The following ZNF280D variants were observed in gnomAD, a reference collection of about 807,000 sequenced individuals.
The protein encoded by ZNF280D is suppressor of hairy wing homolog 4.
Under a neutral mutation model 94.7 loss-of-function variants are expected in ZNF280D, and 39 were observed. That is an observed-to-expected ratio of 0.41 (90% CI 0.32 to 0.54). ZNF280D has a LOEUF of 0.54. ZNF280D is among the 20% of genes least tolerant of loss of function. ZNF280D has a pLI of 0.22. For missense variants in ZNF280D, 1,090 were observed against 1,149.3 expected, an observed-to-expected ratio of 0.95 and a Z score of 0.75; for synonymous variants, 398 against 377.6, an observed-to-expected ratio of 1.05 and a Z score of -0.63.
intron 6 of ZNF280D, among the ~76,000 whole-genome samples, chr15:56,693,631 A>T (rs1347430471): frequency 1.3e-5 from 2 of 152,042 alleles, no homozygotes; most frequent in African/African-American, 4.8e-5. Flanking sequence ...AAAAAATAGA[A>T]CTTAGCAAAA....
chr15:56,699,375 C>T (rs961615462), intron 6 of ZNF280D: 24 of 922,126 alleles, frequency 2.6e-5, no homozygotes, highest in Non-Finnish European at 3.1e-5. Flanking sequence ...TAATAACTAA[C>T]TTTATTATTC....
chr15:56,677,507 C>A, intron 12 of ZNF280D, 67 bp downstream of exon 12: 1 of 1,218,054 alleles, frequency 8.2e-7, no homozygotes, highest in Non-Finnish European at 1.2e-6. Flanking sequence ...GTCTAATAGG[C>A]TTAAATTTTA....
At chr15:56,707,959 T>C (rs2057517154) in intron 1 of ZNF280D, among the ~76,000 whole-genome samples, 2 of 151,988 alleles carry the variant, frequency 1.3e-5, no homozygotes, top group Non-Finnish European at 1.5e-5. Context: ...TTAAAAACTA[T>C]TTGAATTGCT....
At chr15:56,733,390 G>A in intron 1 of ZNF280D, 68 bp downstream of exon 1, 2 of 931,098 alleles carry the variant, frequency 2.1e-6, no homozygotes, top group Non-Finnish European at 2.6e-6. Flanking sequence ...GAGTGAGGCG[G>A]CGCAGGCCGC....
Position 56,688,786 on chromosome 15 carries a change from G to A in ZNF280D, c.780+255C>T, listed in dbSNP as rs140401402. On this transcript the variant is annotated intron_variant, in intron 9 of 21. Coordinates refer to ENST00000267807, the MANE Select transcript of ZNF280D (RefSeq NM_017661.4). ...GTATGACCTAATAAATAAAATAATCGGATTAATACATTATTTTTATTTAAA... is the reference window on the plus strand; with the variant it reads ...GTATGACCTAATAAATAAAATAATCAGATTAATACATTATTTTTATTTAAA... 7.9e-3 allele frequency: 1,629 copies of A among 204,912 alleles called. 16 individuals are homozygous for A. The highest frequency in any genetic ancestry group is 0.019 in the African/African-American group (811 of 43,080). The allele number at this position is 204,912 out of a possible 1,614,324, so 12.7% of individuals were successfully genotyped here.
chr15:56,689,595 G>C (rs1363845248), intron 7 of ZNF280D, 125 bp from the exon 8 acceptor site: 4 of 569,530 alleles, frequency 7.0e-6, no homozygotes, highest in Non-Finnish European at 1.1e-5. Context: ...TGACAATAAT[G>C]ATAAAACTTG....
chr15:56,720,205 T>C (rs1366531862), intron 1 of ZNF280D, among the ~76,000 whole-genome samples: 1 of 152,194 alleles, frequency 6.6e-6, no homozygotes, highest in South Asian at 2.1e-4. Context: ...ACTAAGCTGG[T>C]GTAATACTCT....
In ZNF280D at chr15:56,712,740, CT is replaced by C. The variant is rs370458226; in HGVS notation, c.-85-5435del. Reference sequence around the variant, plus strand: ...TGATTATGAGGAACATGGTGAATGGCTTTTTTTTTTTTTTTTCTGAGGTGGA... The same window carrying C: ...TGATTATGAGGAACATGGTGAATGGCTTTTTTTTTTTTTTTCTGAGGTGGA... On this transcript the variant is annotated intron_variant, in intron 1 of 21. Transcript: ENST00000267807. 3.6e-3 allele frequency among the ~76,000 whole-genome samples: 476 copies of C among 133,468 alleles called. 3 individuals carry two copies. Among genetic ancestry groups the C allele is most frequent in the African/African-American group, 0.01 (373 of 36,014 alleles). 87.6% of individuals were successfully genotyped at this position (133,468 alleles called of 152,430 possible).
At chr15:56,726,514 A>T (rs1662632678) in intron 1 of ZNF280D, among the ~76,000 whole-genome samples, 2 of 152,202 alleles carry the variant, frequency 1.3e-5, no homozygotes, top group African/African-American at 4.8e-5. Flanking sequence ...TCCTTTTATC[A>T]ATCTAAAATA....
intron 1 of ZNF280D, among the ~76,000 whole-genome samples, chr15:56,718,710 C>G (rs1178527832): frequency 1.3e-5 from 2 of 152,176 alleles, no homozygotes; most frequent in African/African-American, 4.8e-5. Context: ...ACCACTTGCT[C>G]TAGTTACTGC....
chr15:56,724,094 G>A lies in ZNF280D; in HGVS notation c.-86+9364C>T, dbSNP rs147371361. Among the ~76,000 whole-genome samples, 690 of 152,034 alleles carry A rather than the reference G, an allele frequency of 4.5e-3. 4 individuals are homozygous for A. The highest frequency in any genetic ancestry group is 0.014 in the Middle Eastern group (4 of 294). The stretch of plus-strand genomic sequence containing the variant: ...GTATCATACCACATATCACTAGCCC[G>A]GAAAAAGATCAAAATTCAAAACTTG... On this transcript the variant is annotated intron_variant, in intron 1 of 21. Coordinates refer to ENST00000267807, the MANE Select transcript of ZNF280D (RefSeq NM_017661.4).
chr15:56,694,333 ACACAC>A (rs1445007746), intron 6 of ZNF280D, among the ~76,000 whole-genome samples: 22 of 149,858 alleles, frequency 1.5e-4, no homozygotes, highest in African/African-American at 4.9e-4. Flanking sequence ...ACACACACAC[ACACAC>A]AAGTATACTC....
intron 16 of ZNF280D, among the ~76,000 whole-genome samples, chr15:56,660,059 A>G (rs1203040396): frequency 6.6e-6 from 1 of 152,120 alleles, no homozygotes. Flanking sequence ...AGTAATTACT[A>G]TTAGAGTTTA....
intron 9 of ZNF280D, among the ~76,000 whole-genome samples, chr15:56,683,906 G>A (rs1352199016): frequency 6.6e-6 from 1 of 152,180 alleles, no homozygotes; most frequent in Non-Finnish European, 1.5e-5. Flanking sequence ...CATTTAGCTA[G>A]AAGTAAACCA....
chr15:56,697,114 A>T (rs979713689), intron 6 of ZNF280D, among the ~76,000 whole-genome samples: 1 of 152,138 alleles, frequency 6.6e-6, no homozygotes, highest in Non-Finnish European at 1.5e-5. Context: ...CACTAAGTTA[A>T]TTTGATTCCA....
intron 1 of ZNF280D, among the ~76,000 whole-genome samples, chr15:56,728,465 G>C (rs2058734671): frequency 6.6e-6 from 1 of 152,164 alleles, no homozygotes; most frequent in African/African-American, 2.4e-5. Context: ...GAAAAATCTT[G>C]CAATTGTGGA....
At chr15:56,672,280 A>G (rs2054919533) in intron 13 of ZNF280D, among the ~76,000 whole-genome samples, 2 of 152,132 alleles carry the variant, frequency 1.3e-5, no homozygotes, top group South Asian at 4.1e-4. Flanking sequence ...GAATGCTTCC[A>G]GCTTTTGCCC....
chr15:56,669,870 ATTTT>A lies in ZNF280D; in HGVS notation c.1411-917_1411-914del, dbSNP rs2054565181. Among the ~76,000 whole-genome samples the A allele has an allele frequency of 1.1e-3, 12 of 11,182 alleles. 3 individuals carry two copies. The highest frequency in any genetic ancestry group is 3.6e-3 in the Admixed American group (2 of 558). 7.3% of individuals were successfully genotyped at this position (11,182 alleles called of 152,430 possible). A position where few individuals can be genotyped will look rare whatever the true frequency, so the allele number is the denominator to read the frequency against. On this transcript the variant is annotated intron_variant, in intron 13 of 21. Transcript: ENST00000267807. Reference sequence around the variant, plus strand: ...CCCTCATTATTTTATATATATATATATTTTATATATATATATATTATATATATAT... The same window carrying A: ...CCCTCATTATTTTATATATATATATAATATATATATATATTATATATATAT...
At chr15:56,633,157 A>C (rs1466678439) in intron 21 of ZNF280D, among the ~76,000 whole-genome samples, 1 of 152,182 alleles carries the variant, frequency 6.6e-6, no homozygotes, top group Non-Finnish European at 1.5e-5. Context: ...TCTTACATTT[A>C]ATCTGACATT....
Sources: gnomAD v4.1 joint callset for allele counts (sites outside exome capture counted in the v4.1 genomes callset) on GRCh38, gnomAD v4.1.1 for gene constraint, MANE v1.5 for transcripts, NCBI Gene and HGNC (gene_info 2026-07-23, HGNC 2026-07-21) for gene names.